SH3RF3: variants seen among roughly 807,000 people sequenced by gnomAD.
SH3RF3 encodes the protein SH3 domain containing ring finger 3.
In SH3RF3, 29 loss-of-function variants were observed where a neutral mutation model predicts 66.3. The observed-to-expected ratio is 0.44, with a 90% CI of 0.33 to 0.60. The LOEUF is 0.60. Among genes scored for constraint, SH3RF3 ranks in the 20% least tolerant of loss-of-function variants. SH3RF3 has a pLI of 0.04. For missense variants in SH3RF3, 1,194 were observed against 1,190.9 expected (o/e 1.00, Z -0.04); for synonymous variants, 583 against 532.0 (o/e 1.10, Z -1.32).
At chr2:109,481,660 A>G (rs1678837512) in intron 8 of SH3RF3, among the ~76,000 whole-genome samples, 1 of 152,198 alleles carries the variant, frequency 6.6e-6, no homozygotes, top group Non-Finnish European at 1.5e-5. Context: ...GGGGCTGGAC[A>G]TGTGGATGGA....
chr2:109,241,564 C>T (rs1465424151), intron 1 of SH3RF3, among the ~76,000 whole-genome samples: 1 of 152,114 alleles, frequency 6.6e-6, no homozygotes, highest in Non-Finnish European at 1.5e-5. Context: ...CAACCTTCTT[C>T]CCTCCCACTT....
chr2:109,228,430 A>G (rs924380212), intron 1 of SH3RF3, among the ~76,000 whole-genome samples: 2 of 152,156 alleles, frequency 1.3e-5, no homozygotes, highest in Non-Finnish European at 2.9e-5. Context: ...TGCACCCAGA[A>G]CACTTCTGAT....
intron 1 of SH3RF3, among the ~76,000 whole-genome samples, chr2:109,328,544 G>A (rs895181041): frequency 6.6e-6 from 1 of 152,150 alleles, no homozygotes; most frequent in Non-Finnish European, 1.5e-5. Flanking sequence ...TTTCTAGGTG[G>A]GGCTGTGAGC....
chr2:109,171,351 T>C (rs867579249), intron 1 of SH3RF3, among the ~76,000 whole-genome samples: 36 of 152,322 alleles, frequency 2.4e-4, no homozygotes, highest in African/African-American at 7.0e-4. Flanking sequence ...GTTTTTGTCA[T>C]CTCTATACAA....
chr2:109,398,747 G>T lies in SH3RF3; in HGVS notation c.1103G>T (p.Arg368Leu), dbSNP rs759723090. ...TCAGGGGCGGTCAGTGCCTTTCAGC[G>T]GCGTGTGGATGGCAAGAAGAACACC... Reference protein sequence around the residue: ...SSSGAVSAFQRRVDGKKNTKK... With the variant: ...SSSGAVSAFQLRVDGKKNTKK... The change falls in exon 4 of 10, where the codon CGG (arginine) becomes CTG (leucine). Residue 368 changes from arginine to leucine, a missense_variant. Transcript: ENST00000309415. 2 of 1,613,558 alleles carry T rather than the reference G, an allele frequency of 1.2e-6. No individual in the cohort carries two copies. The highest frequency in any genetic ancestry group is 2.2e-5 in the East Asian group (1 of 44,862).
At chr2:109,302,652 G>A (rs1043412109) in intron 1 of SH3RF3, among the ~76,000 whole-genome samples, 1 of 152,338 alleles carries the variant, frequency 6.6e-6, no homozygotes, top group African/African-American at 2.4e-5. Flanking sequence ...GGTCTGGCTC[G>A]GGATGGCGTG....
rs146262772 is a variant in SH3RF3 at position 109,279,793 on chromosome 2, G to A, written c.574-67881G>A. The stretch of plus-strand genomic sequence containing the variant: ...CTGACCTCGCTGACAGAGCCAGGCC[G>A]GGCAAGAAGAGGTCCGGGAGGATCT... On this transcript the variant is annotated intron_variant, in intron 1 of 9. Transcript: ENST00000309415. Among the ~76,000 whole-genome samples the A allele has an allele frequency of 3.7e-3, 570 of 152,294 alleles. 5 individuals are homozygous for A. The highest frequency in any genetic ancestry group is 0.012 in the African/African-American group (502 of 41,548).
chr2:109,160,184 C>T (rs1677455206), intron 1 of SH3RF3, among the ~76,000 whole-genome samples: 1 of 152,120 alleles, frequency 6.6e-6, no homozygotes, highest in Non-Finnish European at 1.5e-5. Flanking sequence ...TCACTCTCTG[C>T]CCTCAGGAAG....
intron 1 of SH3RF3, among the ~76,000 whole-genome samples, chr2:109,264,465 C>A (rs369850671): frequency 2.0e-5 from 3 of 152,298 alleles, no homozygotes; most frequent in Admixed American, 1.3e-4. Context: ...CATCTACCTC[C>A]CTATATGTCC....
intron 3 of SH3RF3, among the ~76,000 whole-genome samples, chr2:109,375,171 C>T (rs1432576098): frequency 1.3e-5 from 2 of 152,260 alleles, no homozygotes; most frequent in Non-Finnish European, 2.9e-5. Flanking sequence ...TGCCCCTGGG[C>T]ACTGACCCCA....
chr2:109,330,699 T>C (rs946616907), intron 1 of SH3RF3, among the ~76,000 whole-genome samples: 1 of 152,112 alleles, frequency 6.6e-6, no homozygotes, highest in Non-Finnish European at 1.5e-5. Context: ...GATGGATGGA[T>C]ACATGACGGA....
intron 4 of SH3RF3, among the ~76,000 whole-genome samples, chr2:109,401,699 C>T (rs1676318581): frequency 6.6e-6 from 1 of 152,138 alleles, no homozygotes; most frequent in Admixed American, 6.5e-5. Flanking sequence ...GATGTGGGCT[C>T]AGCACACACA....
chr2:109,375,671 G>A (rs572094832), intron 3 of SH3RF3, among the ~76,000 whole-genome samples: 15 of 152,252 alleles, frequency 9.9e-5, no homozygotes, highest in Non-Finnish European at 2.1e-4. Flanking sequence ...GATGGCAGGC[G>A]AGGGACTCCG....
At position 109,167,181 on chromosome 2, in the gene SH3RF3, A is replaced by G. The variant is rs202145578; in HGVS notation, c.573+37068A>G. ...GGGATTTCATTTTTCCATTTTTTCC[A>G]GAACCAGGATAGCCATATTTTTAAA... On this transcript the variant is annotated intron_variant, in intron 1 of 9. Transcript: ENST00000309415. Among the ~76,000 whole-genome samples the G allele has an allele frequency of 1.4e-4, 21 of 152,342 alleles. No individual in the cohort carries two copies. In the East Asian group the frequency reaches 3.9e-3, roughly 28 times the overall value.
intron 1 of SH3RF3, among the ~76,000 whole-genome samples, chr2:109,277,456 C>A (rs576179321): frequency 6.6e-6 from 1 of 152,312 alleles, no homozygotes; most frequent in African/African-American, 2.4e-5. Flanking sequence ...TAGTATCTCC[C>A]GTGAAGAGTC....
intron 5 of SH3RF3, among the ~76,000 whole-genome samples, chr2:109,431,237 A>C (rs1677204665): frequency 6.6e-6 from 1 of 152,234 alleles, no homozygotes; most frequent in Admixed American, 6.5e-5. Flanking sequence ...GGATAGGGTC[A>C]GCATCCCCAC....
chr2:109,361,358 C>T (rs544392008), intron 2 of SH3RF3, among the ~76,000 whole-genome samples: 16 of 152,194 alleles, frequency 1.1e-4, no homozygotes, highest in South Asian at 2.1e-4. Context: ...ATTCTTTCTG[C>T]GAAGTATTGA....
intron 2 of SH3RF3, among the ~76,000 whole-genome samples, chr2:109,367,184 G>A (rs1174991350): frequency 6.9e-6 from 1 of 145,384 alleles, no homozygotes; most frequent in Non-Finnish European, 1.5e-5. Context: ...GACTGGTCTC[G>A]AACTCCTGGC....
intron 1 of SH3RF3, among the ~76,000 whole-genome samples, chr2:109,267,564 C>T (rs1193046957): frequency 6.6e-6 from 1 of 152,188 alleles, no homozygotes; most frequent in African/African-American, 2.4e-5. Context: ...ATCAAGTTTG[C>T]TTCCTAATGA....
Sources: gnomAD v4.1 joint callset for allele counts (sites outside exome capture counted in the v4.1 genomes callset) on GRCh38, gnomAD v4.1.1 for gene constraint, MANE v1.5 for transcripts, NCBI Gene and HGNC (gene_info 2026-07-23, HGNC 2026-07-21) for gene names.